ANKRD6: variants seen among roughly 807,000 people sequenced by gnomAD.
ANKRD6 encodes ankyrin repeat domain 6.
Under a neutral mutation model 82.3 loss-of-function variants are expected in ANKRD6, and 56 were observed. The observed-to-expected ratio is 0.68, with a 90% CI of 0.55 to 0.85. The LOEUF (loss-of-function observed/expected upper bound fraction) is 0.85, where lower values mean the gene tolerates loss of function less well. Ranked by LOEUF, ANKRD6 falls within the 40% of genes least tolerant of loss-of-function variation. The probability of loss-of-function intolerance (pLI) is 0.00; values close to 1 mark genes in which losing one functional copy is unlikely to be tolerated. For synonymous variants in ANKRD6, 347 were observed against 352.1 expected (o/e 0.99, Z 0.16); for missense variants, 852 against 907.6 (o/e 0.94, Z 0.79).
At chr6:89,568,712 C>T (rs1418168592) in intron 2 of ANKRD6, among the ~76,000 whole-genome samples, 1 of 152,050 alleles carries the variant, frequency 6.6e-6, no homozygotes, top group Non-Finnish European at 1.5e-5. Flanking sequence ...GTCTCTCCTT[C>T]TCCCTGCTAT....
At chr6:89,551,441 G>A (rs189069375) in intron 1 of ANKRD6, among the ~76,000 whole-genome samples, 1 of 152,258 alleles carries the variant, frequency 6.6e-6, no homozygotes, top group East Asian at 1.9e-4. Context: ...GACTGTCCTC[G>A]CCCAGGGCTT....
At chr6:89,623,010 G>A (rs939281347) in intron 10 of ANKRD6, among the ~76,000 whole-genome samples, 2 of 135,046 alleles carry the variant, frequency 1.5e-5, no homozygotes, top group East Asian at 2.4e-4. Context: ...GTTGGGGTGG[G>A]GGAGTGGGGG....
At chr6:89,453,805 AT>A (rs1373827838) in intron 1 of ANKRD6, among the ~76,000 whole-genome samples, 1 of 135,904 alleles carries the variant, frequency 7.4e-6, no homozygotes, top group East Asian at 2.3e-4. Context: ...ATTTTATTTT[AT>A]TTTTTAATTT....
chr6:89,625,296 A>T (rs902949927), intron 13 of ANKRD6, among the ~76,000 whole-genome samples: 6 of 152,014 alleles, frequency 3.9e-5, no homozygotes, highest in Non-Finnish European at 8.8e-5. Flanking sequence ...AAAAAAAAAA[A>T]TTAGAGTTTA....
rs1420205609 is a variant in ANKRD6 at position 89,632,389 on chromosome 6, G to A, written c.*1385G>A. ...AAGAAAAATAATTCAGTAGATATAT[G>A]TCACTGTTACCTGAATATGGAATGA... is the stretch of plus-strand genomic sequence containing the variant. On this transcript the variant is annotated 3_prime_UTR_variant, in exon 16 of 16. Coordinates refer to ENST00000339746, the MANE Select transcript of ANKRD6 (RefSeq NM_001242809.2). 2.0e-5 allele frequency: 3 copies of A among 151,594 alleles called. No homozygotes were observed. Among genetic ancestry groups the A allele is most frequent in the Non-Finnish European group, 2.9e-5 (2 of 67,966 alleles). 9.4% of individuals were successfully genotyped at this position (151,594 alleles called of 1,614,324 possible).
intron 1 of ANKRD6, chr6:89,561,492 G>A (rs899960742): frequency 4.6e-5 from 7 of 152,196 alleles, no homozygotes; most frequent in African/African-American, 1.7e-4. Context: ...CCCTACCTGT[G>A]GGAGTAGATC....
chr6:89,604,250 C>T (rs990306858), intron 4 of ANKRD6, among the ~76,000 whole-genome samples: 2 of 152,098 alleles, frequency 1.3e-5, no homozygotes, highest in African/African-American at 2.4e-5. Context: ...ATCGCTTGAA[C>T]CCGGGAGGTG....
At position 89,497,656 on chromosome 6, in the gene ANKRD6, C is replaced by T. The variant is rs181856799; in HGVS notation, c.-144+64281C>T. The stretch of plus-strand genomic sequence containing the variant: ...CAAATAACAGTGGATATGTTTTTTT[C>T]TCTCTCTCTCTCTGTGTATCTGTGT... On this transcript the variant is annotated intron_variant, in intron 1 of 15. Transcript: ENST00000339746. Among the ~76,000 whole-genome samples the T allele has an allele frequency of 4.5e-3, 676 of 151,034 alleles. 4 individuals carry two copies. Among genetic ancestry groups the T allele is most frequent in the Middle Eastern group, 0.014 (4 of 292 alleles).
chr6:89,618,641 TCTAGCCCC>T (rs1802230057), intron 9 of ANKRD6, among the ~76,000 whole-genome samples: 1 of 152,220 alleles, frequency 6.6e-6, no homozygotes, highest in African/African-American at 2.4e-5. Flanking sequence ...TATTTATAAT[TCTAGCCCC>T]CTGAAACAAC....
chr6:89,558,771 T>C (rs1183961452), intron 1 of ANKRD6, among the ~76,000 whole-genome samples: 1 of 142,976 alleles, frequency 7.0e-6, no homozygotes, highest in Non-Finnish European at 1.5e-5. Flanking sequence ...GTAACAAATG[T>C]ATCACACTAA....
At chr6:89,600,647 AATC>A (rs1487606915) in intron 3 of ANKRD6, among the ~76,000 whole-genome samples, 2 of 152,128 alleles carry the variant, frequency 1.3e-5, no homozygotes, top group East Asian at 3.8e-4. Flanking sequence ...GCAGGTCAGT[AATC>A]ATCATTGCAC....
intron 5 of ANKRD6, among the ~76,000 whole-genome samples, chr6:89,611,133 A>AG (rs1800135186): frequency 1.3e-5 from 2 of 151,714 alleles, no homozygotes; most frequent in African/African-American, 4.8e-5. Context: ...GGTGAAGAGA[A>AG]GGGGGATAAG....
chr6:89,628,991 A>T, intron 14 of ANKRD6, 121 bp from the exon 15 acceptor site: 3 of 1,136,906 alleles, frequency 2.6e-6, no homozygotes, highest in Non-Finnish European at 3.6e-6. Context: ...GGTTTGTTAG[A>T]TGGTATCCTC....
chr6:89,509,849 G>A (rs1038831721), intron 1 of ANKRD6, among the ~76,000 whole-genome samples: 2 of 152,236 alleles, frequency 1.3e-5, no homozygotes, highest in East Asian at 1.9e-4. Context: ...GTGAGTGACA[G>A]CATTGGGATT....
intron 1 of ANKRD6, among the ~76,000 whole-genome samples, chr6:89,507,958 T>A (rs1285251841): frequency 6.6e-6 from 1 of 152,068 alleles, no homozygotes; most frequent in East Asian, 1.9e-4. Context: ...CCTACACTTT[T>A]CCCCCCAAGT....
At chr6:89,609,685 T>G (rs576746576) in intron 5 of ANKRD6, among the ~76,000 whole-genome samples, 1 of 149,016 alleles carries the variant, frequency 6.7e-6, no homozygotes, top group South Asian at 2.2e-4. Context: ...GATCTCGGCT[T>G]GCTGAAACCT....
intron 2 of ANKRD6, among the ~76,000 whole-genome samples, chr6:89,589,933 C>T (rs186085826): frequency 3.9e-5 from 6 of 152,312 alleles, no homozygotes; most frequent in Admixed American, 1.3e-4. Context: ...CTCTTCTCCT[C>T]ACCCCTGCCG....
chr6:89,532,508 T>A (rs1350038553), intron 1 of ANKRD6, among the ~76,000 whole-genome samples: 1 of 152,158 alleles, frequency 6.6e-6, no homozygotes, highest in Non-Finnish European at 1.5e-5. Flanking sequence ...CAGAGCACAC[T>A]ACACTTTCCT....
chr6:89,555,647 C>T (rs909115229), intron 1 of ANKRD6, among the ~76,000 whole-genome samples: 1 of 152,030 alleles, frequency 6.6e-6, no homozygotes, highest in African/African-American at 2.4e-5. Context: ...GAATTCTAAG[C>T]AAAAATGACA....
Sources: gnomAD v4.1 joint callset for allele counts (sites outside exome capture counted in the v4.1 genomes callset) on GRCh38, gnomAD v4.1.1 for gene constraint, MANE v1.5 for transcripts, NCBI Gene and HGNC (gene_info 2026-07-23, HGNC 2026-07-21) for gene names.